The following IMMP2L variants were observed in gnomAD, a reference collection of about 807,000 sequenced individuals.
IMMP2L encodes inner mitochondrial membrane peptidase subunit 2.
In IMMP2L, 18 loss-of-function variants were observed where a neutral mutation model predicts 19.3. The observed-to-expected ratio is 0.93, with a 90% CI of 0.64 to 1.38. IMMP2L has a LOEUF of 1.38. Ranked by LOEUF, IMMP2L falls within the 40% of genes most tolerant of loss-of-function variation. The pLI, the probability that IMMP2L is intolerant of heterozygous loss-of-function variation, is 0.00. For missense variants in IMMP2L, 233 were observed against 218.2 expected (o/e 1.07, Z -0.43); for synonymous variants, 76 against 73.0 (o/e 1.04, Z -0.21).
intron 3 of IMMP2L, among the ~76,000 whole-genome samples, chr7:111,221,285 G>A (rs998654415): frequency 6.6e-5 from 10 of 151,984 alleles, no homozygotes; most frequent in Admixed American, 2.0e-4. Flanking sequence ...CTGCTCTAGA[G>A]ATAATAGTCA....
intron 5 of IMMP2L, among the ~76,000 whole-genome samples, chr7:110,684,006 G>C (rs1792928487): frequency 6.6e-6 from 1 of 152,126 alleles, no homozygotes; most frequent in African/African-American, 2.4e-5. Flanking sequence ...TCCATATACT[G>C]AAATTGCTAA....
intron 5 of IMMP2L, among the ~76,000 whole-genome samples, chr7:110,836,907 C>A (rs1208006117): frequency 2.0e-5 from 3 of 152,150 alleles, no homozygotes; most frequent in Non-Finnish European, 4.4e-5. Context: ...TGCTTCACTG[C>A]TGATGGCCAT....
chr7:111,154,951 T>C (rs1271640938), intron 3 of IMMP2L, among the ~76,000 whole-genome samples: 9 of 151,994 alleles, frequency 5.9e-5, no homozygotes, highest in Non-Finnish European at 1.2e-4. Flanking sequence ...AGAGACAGGG[T>C]CCCACTATGT....
At position 110,853,135 on chromosome 7, in the gene IMMP2L, T is replaced by TAC. The variant is rs553008241; in HGVS notation, c.408+33456_408+33457dup. Among the ~76,000 whole-genome samples the TAC allele has an allele frequency of 5.5e-3, 838 of 151,310 alleles. 8 individuals carry two copies. Among genetic ancestry groups the TAC allele is most frequent in the African/African-American group, 0.019 (793 of 41,312 alleles). On this transcript the variant is annotated intron_variant, in intron 5 of 5. Coordinates refer to ENST00000405709, the MANE Select transcript of IMMP2L (RefSeq NM_032549.4). ...ACACACACACACGCATATATCTGAG[T>TAC]ACACACACACACACAAACACATTTA...
chr7:111,337,821 G>A (rs1826597571), intron 3 of IMMP2L, among the ~76,000 whole-genome samples: 1 of 152,080 alleles, frequency 6.6e-6, no homozygotes, highest in Non-Finnish European at 1.5e-5. Flanking sequence ...ATACATTCAG[G>A]ATTAGATTTT....
At chr7:110,965,114 T>C (rs760188083) in intron 3 of IMMP2L, among the ~76,000 whole-genome samples, 57 of 152,222 alleles carry the variant, frequency 3.7e-4, no homozygotes, top group African/African-American at 1.3e-3. Flanking sequence ...TGGGTAACTC[T>C]ATCTTAATAT....
intron 5 of IMMP2L, among the ~76,000 whole-genome samples, chr7:110,843,782 C>G (rs1244407449): frequency 1.3e-5 from 2 of 152,110 alleles, no homozygotes; most frequent in Non-Finnish European, 2.9e-5. Flanking sequence ...AAGCTAAGAC[C>G]TGAAGGCTGA....
chr7:111,392,840 A>G (rs1419271336), intron 3 of IMMP2L: 1 of 456,536 alleles, frequency 2.2e-6, no homozygotes, highest in Non-Finnish European at 4.4e-6. Flanking sequence ...ATGAAGAGCC[A>G]GATGAGGAGG....
In IMMP2L at chr7:110,956,940, C is replaced by T. The variant is rs555220171; in HGVS notation, c.305+6560G>A. Among the ~76,000 whole-genome samples, 42 of 152,032 alleles carry T rather than the reference C, an allele frequency of 2.8e-4. No individual in the cohort carries two copies. In the South Asian group the frequency reaches 8.5e-3, roughly 31 times the overall value. ...CATTTTATGGTTTTCTAAAACAATGCTTCTATTTGAGTCATAACAAATTAA... is the reference window on the plus strand; with the variant it reads ...CATTTTATGGTTTTCTAAAACAATGTTTCTATTTGAGTCATAACAAATTAA... On this transcript the variant is annotated intron_variant, in intron 4 of 5. Coordinates refer to ENST00000405709, the MANE Select transcript of IMMP2L (RefSeq NM_032549.4).
rs114208107 is a variant in IMMP2L at position 111,025,220 on chromosome 7, G to A, written c.240-61655C>T. Reference sequence around the variant, plus strand: ...CGCACCAGGCAGGTGATGTAAACAAGTAAAGTGGCTCACCACTTAATCTCT... The same window carrying A: ...CGCACCAGGCAGGTGATGTAAACAAATAAAGTGGCTCACCACTTAATCTCT... On this transcript the variant is annotated intron_variant, in intron 3 of 5. Transcript: ENST00000405709. Among the ~76,000 whole-genome samples, 616 of 152,258 alleles carry A rather than the reference G, an allele frequency of 4.0e-3. 7 individuals are homozygous for A. The highest frequency in any genetic ancestry group is 0.014 in the African/African-American group (593 of 41,546).
intron 5 of IMMP2L, among the ~76,000 whole-genome samples, chr7:110,882,289 C>T (rs577686740): frequency 1.9e-5 from 1 of 53,722 alleles, no homozygotes; most frequent in East Asian, 2.1e-3. Context: ...TGTCAAGTGC[C>T]TTCCTTCCTT....
In IMMP2L at chr7:111,203,569, CT is replaced by C. The variant is rs199683002; in HGVS notation, c.240-240005del. On this transcript the variant is annotated intron_variant, in intron 3 of 5. Transcript: ENST00000405709. Reference sequence around the variant, plus strand: ...GTAATATTACATTATTATACTGGTTCTTTTTTTTTTTTTTTTTCAATTAAAA... The same window carrying C: ...GTAATATTACATTATTATACTGGTTCTTTTTTTTTTTTTTTTCAATTAAAA... 1.0e-2 allele frequency among the ~76,000 whole-genome samples: 1,272 copies of C among 127,786 alleles called. 12 individuals carry two copies. Among genetic ancestry groups the C allele is most frequent in the East Asian group, 0.053 (232 of 4,404 alleles). The allele number at this position is 127,786 out of a possible 152,430, so 83.8% of individuals were successfully genotyped here.
intron 3 of IMMP2L, chr7:111,122,768 C>A: frequency 6.2e-7 from 1 of 1,605,916 alleles, no homozygotes; most frequent in Admixed American, 1.7e-5. Context: ...AAGAAGAAAG[C>A]TAAGATGAAG....
At chr7:111,308,460 A>G (rs1309077072) in intron 3 of IMMP2L, among the ~76,000 whole-genome samples, 1 of 151,896 alleles carries the variant, frequency 6.6e-6, no homozygotes, top group Non-Finnish European at 1.5e-5. Flanking sequence ...AATTATTTAA[A>G]CTTGCCATCT....
intron 3 of IMMP2L, among the ~76,000 whole-genome samples, chr7:111,125,717 A>G (rs992970438): frequency 2.0e-5 from 3 of 151,104 alleles, no homozygotes; most frequent in Non-Finnish European, 3.0e-5. Context: ...TAGCTTTTGG[A>G]GTAGATTAAA....
At chr7:110,823,827 A>G (rs60516565) in intron 5 of IMMP2L, among the ~76,000 whole-genome samples, 1 of 152,072 alleles carries the variant, frequency 6.6e-6, no homozygotes, top group Non-Finnish European at 1.5e-5. Flanking sequence ...ACCTTTGGTA[A>G]AGAACTACTC....
chr7:111,299,007 G>C (rs1175547261), intron 3 of IMMP2L, among the ~76,000 whole-genome samples: 1 of 152,068 alleles, frequency 6.6e-6, no homozygotes, highest in Non-Finnish European at 1.5e-5. Context: ...AGAAAGTACA[G>C]TCAAAAGGCA....
chr7:111,180,878 A>T (rs1807630222), intron 3 of IMMP2L, among the ~76,000 whole-genome samples: 4 of 152,044 alleles, frequency 2.6e-5, no homozygotes, highest in Admixed American at 2.6e-4. Context: ...TGTTTCCTGG[A>T]TACAAAAATA....
chr7:110,739,591 T>C (rs113872036), intron 5 of IMMP2L, among the ~76,000 whole-genome samples: 1,535 of 152,152 alleles, frequency 0.01, 26 homozygotes, highest in African/African-American at 0.035. Context: ...AGAAATGAGA[T>C]AGATGGCAAC....
Sources: gnomAD v4.1 joint callset for allele counts (sites outside exome capture counted in the v4.1 genomes callset) on GRCh38, gnomAD v4.1.1 for gene constraint, MANE v1.5 for transcripts, NCBI Gene and HGNC (gene_info 2026-07-23, HGNC 2026-07-21) for gene names.